The following DCHS1 variants were observed in gnomAD, a reference collection of about 807,000 sequenced individuals.
DCHS1 encodes protocadherin-16.
DCHS1 carries 78 observed loss-of-function variants against 213.9 expected under a neutral mutation model. That is an observed-to-expected ratio of 0.36 (90% CI 0.30 to 0.44). The LOEUF (loss-of-function observed/expected upper bound fraction) is 0.44, where lower values mean the gene tolerates loss of function less well. DCHS1 is among the 20% of genes least tolerant of loss of function. The pLI is 1.00. For missense variants in DCHS1, 3,946 were observed against 4,395.9 expected, an observed-to-expected ratio of 0.90 and a Z score of 2.89; for synonymous variants, 1,828 against 1,873.7, an observed-to-expected ratio of 0.98 and a Z score of 0.63.
chr11:6,630,511 T>TCCTGCACTTGCA lies in DCHS1; in HGVS notation c.4271_4282dup (p.Val1424_Gln1427dup), dbSNP rs1564863976. Reference sequence around the variant, plus strand: ...AAAGGCGGGCGCATGCTCATTCTCGTCCTGCACTTGCACCTGCACTCGCAG... The same window carrying TCCTGCACTTGCA: ...AAAGGCGGGCGCATGCTCATTCTCGTCCTGCACTTGCACCTGCACTTGCACCTGCACTCGCAG... On this transcript the variant is annotated inframe_insertion, in exon 10 of 21. Coordinates refer to ENST00000299441, the MANE Select transcript of DCHS1 (RefSeq NM_003737.4). The TCCTGCACTTGCA allele has an allele frequency of 6.5e-7, 1 of 1,539,516 alleles. No individual in the cohort carries two copies. The highest frequency in any genetic ancestry group is 8.7e-7 in the Non-Finnish European group (1 of 1,149,564).
chr11:6,625,670 C>T lies in DCHS1; in HGVS notation c.6789G>A (p.Leu2263=). Residue 2263 remains leucine, a synonymous_variant, in exon 18 of 21, where the codon TTG becomes TTA. Coordinates refer to ENST00000299441, the MANE Select transcript of DCHS1 (RefSeq NM_003737.4). The surrounding 1 kb of genome is among the most constrained non-coding windows in gnomAD (Gnocchi z 5.3). ...GSPALVGSAT[L]TVMVIDTNDN... ...CATTGGTGTCGATGACCATCACCGT[C>T]AAGGTAGCTGAGCCCACCAGGGCTG... 1 of 1,613,328 alleles carries T rather than the reference C, an allele frequency of 6.2e-7. No homozygotes were observed. The highest frequency in any genetic ancestry group is 8.5e-7 in the Non-Finnish European group (1 of 1,179,764).
rs1409156864 is a variant in DCHS1 at position 6,631,327 on chromosome 11, G to A, written c.3756C>T (p.Ile1252=). The A allele has an allele frequency of 6.2e-7, 1 of 1,613,870 alleles. No homozygotes were observed. Among genetic ancestry groups the A allele is most frequent in the African/African-American group, 1.3e-5 (1 of 74,918 alleles). ...KDPDEGENGT[I]LYTLTGPGSE... ...CTCCCATACCAGTTAGCGTGTACAA[G>A]ATGGTCCCATTCTCCCCCTCATCTG... The change falls in exon 8 of 21, where the codon ATC becomes ATT. Residue 1252 remains isoleucine, a synonymous_variant. Coordinates refer to ENST00000299441, the MANE Select transcript of DCHS1 (RefSeq NM_003737.4).
chr11:6,631,856 G>A, intron 6 of DCHS1, 47 bp from the exon 7 acceptor site: 7 of 1,494,682 alleles, frequency 4.7e-6, no homozygotes, highest in Non-Finnish European at 6.2e-6. Context: ...TAAGGATGCA[G>A]AGCCTGAGGC....
At position 6,625,475 on chromosome 11, in the gene DCHS1, A is replaced by C; in HGVS notation, c.6869T>G (p.Leu2290Ter). Residue 2290 changes from leucine (L) to a stop codon, truncating the protein, a stop_gained, in exon 19 of 21, where the codon TTA (leucine) becomes TGA (stop). Coordinates refer to ENST00000299441, the MANE Select transcript of DCHS1 (RefSeq NM_003737.4). LOFTEE classifies it high-confidence loss of function. The surrounding 1 kb of genome is among the most constrained non-coding windows in gnomAD (Gnocchi z 5.3). ...PWELRVSEDA[L>*]LGSEIAQVTG... ...TACCTGTGCAATCTCTGAGCCCAAT[A>C]ACGCATCTGGAATACATGAGACTAG... is the stretch of plus-strand genomic sequence containing the variant. 1 of 1,603,364 alleles carries C rather than the reference A, an allele frequency of 6.2e-7. No individual in the cohort carries two copies. Among genetic ancestry groups the C allele is most frequent in the Non-Finnish European group, 8.5e-7 (1 of 1,174,456 alleles).
chr11:6,630,688 A>G lies in DCHS1; in HGVS notation c.4106T>C (p.Leu1369Pro). ...PAGVGALTYT[L>P]VGGADPEGTF... ...GCCCTCGGGATCGGCACCGCCCACC[A>G]GTGTGTAGGTGAGTGCACCCACACC... is the stretch of plus-strand genomic sequence containing the variant. The change falls in exon 10 of 21, where the codon CTG (leucine) becomes CCG (proline). Residue 1369 changes from leucine (L) to proline (P), a missense_variant. By Grantham distance (98) the Leu-to-Pro change is moderately conservative (BLOSUM62 -3). Around this residue, in one of 3 missense-constraint regions of DCHS1, gnomAD observed 3,384 missense variants for 3,780.1 expected, o/e 0.90. Coordinates refer to ENST00000299441, the MANE Select transcript of DCHS1 (RefSeq NM_003737.4). The G allele has an allele frequency of 1.3e-6, 2 of 1,539,368 alleles. No individual in the cohort carries two copies. Among genetic ancestry groups the G allele is most frequent in the Non-Finnish European group, 1.7e-6 (2 of 1,144,064 alleles).
intron 6 of DCHS1, 92 bp from the exon 7 acceptor site, chr11:6,631,901 G>C: frequency 1.7e-5 from 25 of 1,451,394 alleles, no homozygotes; most frequent in Non-Finnish European, 2.2e-5. Flanking sequence ...GGGAGTGGGG[G>C]AGGGAATGCC....
intron 1 of DCHS1, among the ~76,000 whole-genome samples, chr11:6,650,723 C>T (rs542994790): frequency 1.3e-5 from 2 of 152,276 alleles, no homozygotes; most frequent in Admixed American, 1.3e-4. Context: ...CACTGTAATG[C>T]CTTGTAGTCT....
At position 6,624,808 on chromosome 11, in the gene DCHS1, G is replaced by A. The variant is rs141901540; in HGVS notation, c.7207C>T (p.Arg2403Trp). ...ATGTGACCGTTGGCACCTGAGTCCC[G>A]ATCAGTGGCAGAGACGGAGAGAATG... ...SAILSVSATD[R>W]DSGANGHISY... Residue 2403 changes from arginine to tryptophan, a missense_variant, in exon 20 of 21, where the codon CGG becomes TGG. By Grantham distance (101) the Arg-to-Trp change is moderately radical (BLOSUM62 -3). Coordinates refer to ENST00000299441, the MANE Select transcript of DCHS1 (RefSeq NM_003737.4). 4.9e-4 allele frequency: 784 copies of A among 1,613,772 alleles called. 1 individual carries two copies. Among genetic ancestry groups the A allele is most frequent in the Non-Finnish European group, 6.3e-4 (745 of 1,179,842 alleles).
intron 1 of DCHS1, among the ~76,000 whole-genome samples, chr11:6,647,640 G>A (rs1856183260): frequency 6.6e-6 from 1 of 152,220 alleles, no homozygotes; most frequent in South Asian, 2.1e-4. Context: ...TGTGAGGAAG[G>A]AATCCCGGCT....
chr11:6,655,693 G>A lies in DCHS1; in HGVS notation c.-251C>T, dbSNP rs1374588558. ...CGCAGTCGCTGTCTCCGAGGCCCGC[G>A]ATCCCCTCCGGGCAGCCGCCGTCGG... On this transcript the variant is annotated 5_prime_UTR_variant, in exon 1 of 21. Transcript: ENST00000299441. 2.7e-5 allele frequency: 26 copies of A among 979,742 alleles called. No individual in the cohort carries two copies. The highest frequency in any genetic ancestry group is 3.1e-5 in the Non-Finnish European group (26 of 827,824). The allele number at this position is 979,742 out of a possible 1,614,324, so 60.7% of individuals were successfully genotyped here. A position where few individuals can be genotyped will look rare whatever the true frequency, so the allele number is the denominator to read the frequency against.
chr11:6,643,951 T>A lies in DCHS1; in HGVS notation c.-120-2218A>T, dbSNP rs529194227. Among the ~76,000 whole-genome samples the A allele has an allele frequency of 2.6e-5, 4 of 152,314 alleles. No individual in the cohort carries two copies. The South Asian group carries it at 8.3e-4, about 32-fold the overall frequency. ...ATCCTCAGTCCTGATTTCCAATTAG[T>A]CATGTAAACCCCACCACTTCAACTA... On this transcript the variant is annotated intron_variant, in intron 1 of 20. Transcript: ENST00000299441.
chr11:6,643,197 T>G (rs1856106538), intron 1 of DCHS1, among the ~76,000 whole-genome samples: 1 of 152,094 alleles, frequency 6.6e-6, no homozygotes, highest in African/African-American at 2.4e-5. Context: ...CCCCTTACTC[T>G]AGTGACTAAG....
rs1166075049 is a variant in DCHS1 at position 6,627,267 on chromosome 11, G to A, written c.5772C>T (p.Ser1924=). 32 of 1,613,392 alleles carry A rather than the reference G, an allele frequency of 2.0e-5. No individual in the cohort carries two copies. The highest frequency in any genetic ancestry group is 2.6e-5 in the Non-Finnish European group (31 of 1,179,822). The change falls in exon 14 of 21, where the codon AGC becomes AGT. Residue 1924 remains serine, a synonymous_variant. Coordinates refer to ENST00000299441, the MANE Select transcript of DCHS1 (RefSeq NM_003737.4). The surrounding 1 kb of genome is among the most constrained non-coding windows in gnomAD (Gnocchi z 5.4). ...CCACTGCACTCACAGAAAAGGTGTA[G>A]CTGGGACACTGTTCTCTGTCCAAGG... is the stretch of plus-strand genomic sequence containing the variant. The part of the protein sequence containing the change: ...AAALDREQCP[S]YTFSVSAVDG...
intron 5 of DCHS1, 131 bp from the exon 6 acceptor site, chr11:6,633,187 AG>A: frequency 8.2e-7 from 1 of 1,223,952 alleles, no homozygotes; most frequent in Non-Finnish European, 1.1e-6. Flanking sequence ...GAGGAGGGGC[AG>A]GGGTTGGCAA....
At position 6,630,000 on chromosome 11, in the gene DCHS1, A is replaced by G. The variant is rs758787766; in HGVS notation, c.4794T>C (p.Thr1598=). The change falls in exon 10 of 21, where the codon ACT becomes ACC. Residue 1598 remains threonine, a splice_region_variant and synonymous_variant. Coordinates refer to ENST00000299441, the MANE Select transcript of DCHS1 (RefSeq NM_003737.4). The stretch of plus-strand genomic sequence containing the variant: ...CTCACTCCCAGACCTAACTCTCACC[A>G]GTGCTTGAGTGCAGCCGGAAGTGGC... ...GDGHFRLHSS[T]GALSVVRPLD... The G allele has an allele frequency of 1.3e-6, 2 of 1,568,736 alleles. No homozygotes were observed. Among genetic ancestry groups the G allele is most frequent in the South Asian group, 2.4e-5 (2 of 84,072 alleles).
At chr11:6,651,827 G>C (rs1487982291) in intron 1 of DCHS1, among the ~76,000 whole-genome samples, 4 of 152,158 alleles carry the variant, frequency 2.6e-5, no homozygotes, top group African/African-American at 9.7e-5. Context: ...AGTGGGGATG[G>C]TCATTTGGGG....
chr11:6,626,144 C>A lies in DCHS1; in HGVS notation c.6576+25G>T. 1 of 1,596,384 alleles carries A rather than the reference C, an allele frequency of 6.3e-7. No homozygotes were observed. The highest frequency in any genetic ancestry group is 2.3e-5 in the East Asian group (1 of 43,848). On this transcript the variant is annotated intron_variant, in intron 16 of 20. Coordinates refer to ENST00000299441, the MANE Select transcript of DCHS1 (RefSeq NM_003737.4). The surrounding 1 kb of genome is among the most constrained non-coding windows in gnomAD (Gnocchi z 5.2). The stretch of plus-strand genomic sequence containing the variant: ...AGTCTGACTAGCCCTGCTCCCCCGC[C>A]CAATCTTTCCATCACACCCCGCACC...
In DCHS1 at chr11:6,639,920, C is replaced by T. The variant is rs1212511308; in HGVS notation, c.1694G>A (p.Ser565Asn). The stretch of plus-strand genomic sequence containing the variant: ...ATCATTCACATCTTGCAGGGCCACG[C>T]TAACTGTGGCAGAGGAGGCTAGAGG... ...LPPLASSATV[S>N]VALQDVNDNE... The change falls in exon 2 of 21, where the codon AGC (serine) becomes AAC (asparagine). Residue 565 changes from serine (S) to asparagine (N), a missense_variant. Ser to Asn is a conservative substitution (Grantham distance 46). This residue lies in a region of DCHS1 where 3,384 missense variants were observed against 3,780.1 expected (regional missense o/e 0.90). Transcript: ENST00000299441. The T allele has an allele frequency of 6.2e-7, 1 of 1,614,034 alleles. No homozygotes were observed. Among genetic ancestry groups the T allele is most frequent in the East Asian group, 2.2e-5 (1 of 44,888 alleles).
intron 1 of DCHS1, among the ~76,000 whole-genome samples, chr11:6,649,725 G>T (rs917332370): frequency 6.6e-6 from 1 of 152,104 alleles, no homozygotes; most frequent in African/African-American, 2.4e-5. Flanking sequence ...GGGAGCTGGG[G>T]CACGGGGTAG....
Sources: gnomAD v4.1 joint callset for allele counts (sites outside exome capture counted in the v4.1 genomes callset) on GRCh38, gnomAD v4.1.1 for gene constraint, gnomAD v4.1.1 regional missense constraint, Gnocchi (gnomAD v3.1) non-coding constraint, MANE v1.5 for transcripts, NCBI Gene and HGNC (gene_info 2026-07-23, HGNC 2026-07-21) for gene names.